CAPRIN1: variants seen among roughly 807,000 people sequenced by gnomAD.
The protein encoded by CAPRIN1 is cell cycle associated protein 1, also known as caprin-1.
A neutral mutation model predicts 100.9 loss-of-function variants in CAPRIN1; 29 were observed. The ratio of observed to expected loss-of-function variants is 0.29; its 90% CI spans 0.21 to 0.39. The LOEUF is 0.39. Among genes scored for constraint, CAPRIN1 ranks in the 10% least tolerant of loss-of-function variants. The pLI is 1.00. For missense variants in CAPRIN1, 795 were observed against 876.7 expected (o/e 0.91, Z 1.18); for synonymous variants, 338 against 307.5 (o/e 1.10, Z -1.04).
intron 11 of CAPRIN1, 140 bp from the exon 12 acceptor site, chr11:34,089,255 T>G (rs1212978650): frequency 1.4e-4 from 18 of 132,228 alleles, no homozygotes; most frequent in African/African-American, 4.3e-4. Context: ...GGTGACAGAG[T>G]GAGACACTCC....
In CAPRIN1 at chr11:34,100,411, A is replaced by G. The variant is rs1460447366; in HGVS notation, c.*1044A>G. ...TTGCTATCTTTTGAAAGGCACCAGT[A>G]TGTGTTTTAGATTGATTTCCCTGTT... On this transcript the variant is annotated 3_prime_UTR_variant, in exon 19 of 19. Transcript: ENST00000341394. 2 of 152,126 alleles carry G rather than the reference A, an allele frequency of 1.3e-5. No homozygotes were observed. Among genetic ancestry groups the G allele is most frequent in the Admixed American group, 6.5e-5 (1 of 15,272 alleles). The allele number at this position is 152,126 out of a possible 1,614,324, so 9.4% of individuals were successfully genotyped here.
intron 2 of CAPRIN1, among the ~76,000 whole-genome samples, chr11:34,062,624 C>A (rs1800363738): frequency 1.4e-4 from 14 of 100,582 alleles, no homozygotes; most frequent in African/African-American, 3.2e-4. Flanking sequence ...AACTCCGTCT[C>A]AAAAAAAAAA....
chr11:34,090,355 A>G, intron 13 of CAPRIN1, 66 bp downstream of exon 13: 1 of 1,248,876 alleles, frequency 8.0e-7, no homozygotes, highest in Non-Finnish European at 1.2e-6. Flanking sequence ...ACAGATGTAC[A>G]TTACCATTAA....
At chr11:34,052,370 C>T (rs540739345) in intron 1 of CAPRIN1, 51 bp from the exon 2 acceptor site, 13 of 1,460,762 alleles carry the variant, frequency 8.9e-6, no homozygotes, top group South Asian at 3.5e-5. Context: ...TCCTGACTGG[C>T]CGCTCTTGTC....
intron 6 of CAPRIN1, among the ~76,000 whole-genome samples, chr11:34,078,220 A>G (rs760834679): frequency 1.3e-5 from 2 of 152,184 alleles, no homozygotes; most frequent in Non-Finnish European, 2.9e-5. Flanking sequence ...AATAAGGAAA[A>G]CATATGAAGT....
At position 34,058,791 on chromosome 11, in the gene CAPRIN1, A is replaced by G. The variant is rs183109736; in HGVS notation, c.216+6155A>G. On this transcript the variant is annotated intron_variant, in intron 2 of 18. Coordinates refer to ENST00000341394, the MANE Select transcript of CAPRIN1 (RefSeq NM_005898.5). ...AGTTTTTCTTTATGTTTAGCTTCCT[A>G]TGTACATTTGTCAGACTCTACTCCA... is the stretch of plus-strand genomic sequence containing the variant. 6.6e-5 allele frequency among the ~76,000 whole-genome samples: 10 copies of G among 152,312 alleles called. No individual in the cohort carries two copies. In the East Asian group the frequency reaches 9.6e-4, roughly 15 times the overall value.
chr11:34,078,689 G>GT (rs1356199268), intron 6 of CAPRIN1, among the ~76,000 whole-genome samples: 1 of 152,052 alleles, frequency 6.6e-6, no homozygotes, highest in Non-Finnish European at 1.5e-5. Flanking sequence ...CCCTATGCTT[G>GT]TTTTTTATTC....
chr11:34,076,660 A>C lies in CAPRIN1; in HGVS notation c.688+18A>C. The C allele has an allele frequency of 6.6e-7, 1 of 1,522,058 alleles. No homozygotes were observed. The highest frequency in any genetic ancestry group is 1.8e-5 in the Admixed American group (1 of 56,456). 94.3% of individuals were successfully genotyped at this position (1,522,058 alleles called of 1,614,324 possible). On this transcript the variant is annotated intron_variant, in intron 6 of 18. Coordinates refer to ENST00000341394, the MANE Select transcript of CAPRIN1 (RefSeq NM_005898.5). ...AACCACCTGTGAGTATCACTGTGAT[A>C]ACTTTGATTTTATAACTAGGAATCT...
At position 34,090,692 on chromosome 11, in the gene CAPRIN1, CTAACAT is replaced by C. The variant is rs1173087402; in HGVS notation, c.1554+18_1554+23del. The C allele has an allele frequency of 1.1e-5, 18 of 1,605,944 alleles. No individual in the cohort carries two copies. The East Asian group carries it at 3.8e-4, about 34-fold the overall frequency. ...TCCATGCAAACGGTAAGCAAATTAA[CTAACAT>C]TAATTGCCTAGTATGTAATATGAAT... On this transcript the variant is annotated intron_variant, in intron 14 of 18. Coordinates refer to ENST00000341394, the MANE Select transcript of CAPRIN1 (RefSeq NM_005898.5).
Position 34,079,471 on chromosome 11 carries a change from T to C in CAPRIN1, c.689-157T>C, listed in dbSNP as rs137912396. Reference sequence around the variant, plus strand: ...CTTCTTGTTCCCTATCATTCTGTAATACATTTCTGTTCTTGGTGAAATGTA... The same window carrying C: ...CTTCTTGTTCCCTATCATTCTGTAACACATTTCTGTTCTTGGTGAAATGTA... On this transcript the variant is annotated intron_variant, in intron 6 of 18. Coordinates refer to ENST00000341394, the MANE Select transcript of CAPRIN1 (RefSeq NM_005898.5). Among the ~76,000 whole-genome samples, 12 of 152,226 alleles carry C rather than the reference T, an allele frequency of 7.9e-5. No individual in the cohort carries two copies. The East Asian group carries it at 2.3e-3, about 29-fold the overall frequency.
Position 34,064,357 on chromosome 11 carries a change from T to C in CAPRIN1, c.217-7369T>C, listed in dbSNP as rs180916153. ...AATTTTAACACCAGTGGACAAATTT[T>C]CTAGTTGGACTTTAATGTAAACCAT... On this transcript the variant is annotated intron_variant, in intron 2 of 18. Transcript: ENST00000341394. 4.3e-3 allele frequency among the ~76,000 whole-genome samples: 656 copies of C among 152,334 alleles called. 6 individuals carry two copies. Among genetic ancestry groups the C allele is most frequent in the African/African-American group, 0.015 (617 of 41,578 alleles).
rs1590749653 is a variant in CAPRIN1, at chr11:34,097,214, G to A, written c.1919G>A (p.Arg640His). Residue 640 changes from arginine (R) to histidine (H), a missense_variant, in exon 17 of 19, where the codon CGC (arginine) becomes CAC (histidine). Arg to His is a conservative substitution (Grantham distance 29). This residue lies in a region of CAPRIN1 where 648 missense variants were observed against 697.9 expected (regional missense o/e 0.93). Transcript: ENST00000341394. The part of the protein sequence containing the change: ...NGFRGGYDGY[R>H]PSFSNTPNSG... ...ATTTTAGGAGGATATGATGGTTACC[G>A]CCCTTCATTCTCTAACACTCCAAAC... 1.2e-6 allele frequency: 2 copies of A among 1,611,948 alleles called. No individual in the cohort carries two copies. Among genetic ancestry groups the A allele is most frequent in the East Asian group, 2.2e-5 (1 of 44,850 alleles).
rs910911569 is a variant in CAPRIN1 at position 34,102,167 on chromosome 11, A to T, written c.*2800A>T. ...TCTTACGTGGGAGACTTTTCCACTTAAAGGAGACATAGAATGTGTGCTTAT... is the reference window on the plus strand; with the variant it reads ...TCTTACGTGGGAGACTTTTCCACTTTAAGGAGACATAGAATGTGTGCTTAT... On this transcript the variant is annotated 3_prime_UTR_variant, in exon 19 of 19. Transcript: ENST00000341394. Among the ~76,000 whole-genome samples, 2 of 152,224 alleles carry T rather than the reference A, an allele frequency of 1.3e-5. No homozygotes were observed. Among genetic ancestry groups the T allele is most frequent in the Non-Finnish European group, 2.9e-5 (2 of 68,032 alleles).
At chr11:34,065,655 A>ATG (rs1213091565) in intron 2 of CAPRIN1, among the ~76,000 whole-genome samples, 1 of 152,228 alleles carries the variant, frequency 6.6e-6, no homozygotes, top group Non-Finnish European at 1.5e-5. Context: ...CTCAGATTCC[A>ATG]TGGTGATAAA....
chr11:34,096,813 G>A, intron 16 of CAPRIN1, 140 bp downstream of exon 16: 1 of 614,014 alleles, frequency 1.6e-6, no homozygotes, highest in South Asian at 2.5e-5. Flanking sequence ...TGTATATTTT[G>A]GTACAATTTG....
intron 2 of CAPRIN1, chr11:34,055,823 T>C (rs1212177461): frequency 5.3e-5 from 8 of 152,318 alleles, no homozygotes; most frequent in African/African-American, 1.7e-4. Flanking sequence ...CTTGAGACTT[T>C]GATAAGCCAC....
At position 34,087,402 on chromosome 11, in the gene CAPRIN1, C is replaced by T. The variant is rs928896868; in HGVS notation, c.1231+989C>T. Among the ~76,000 whole-genome samples, 30 of 106,832 alleles carry T rather than the reference C, an allele frequency of 2.8e-4. 1 individual carries two copies. Among genetic ancestry groups the T allele is most frequent in the South Asian group, 2.2e-3 (8 of 3,602 alleles). The allele number at this position is 106,832 out of a possible 152,430, so 70.1% of individuals were successfully genotyped here. A position where few individuals can be genotyped will look rare whatever the true frequency, so the allele number is the denominator to read the frequency against. ...AGGCTGGAGTGCAGTGGCGCAATCT[C>T]GGCTCACTGCAAGCTCCGCCTCCCG... is the stretch of plus-strand genomic sequence containing the variant. On this transcript the variant is annotated intron_variant, in intron 11 of 18. Transcript: ENST00000341394.
chr11:34,079,461 C>A (rs893707533), intron 6 of CAPRIN1, among the ~76,000 whole-genome samples, 167 bp from the exon 7 acceptor site: 2 of 152,094 alleles, frequency 1.3e-5, no homozygotes, highest in Non-Finnish European at 2.9e-5. Flanking sequence ...TGTTCCCTAT[C>A]ATTCTGTAAT....
chr11:34,099,321 G>C lies in CAPRIN1; in HGVS notation c.2084G>C (p.Arg695Thr). 1 of 1,613,940 alleles carries C rather than the reference G, an allele frequency of 6.2e-7. No homozygotes were observed. The highest frequency in any genetic ancestry group is 1.1e-5 in the South Asian group (1 of 91,068). The change falls in exon 19 of 19, where the codon AGA (arginine) becomes ACA (threonine). Residue 695 changes from arginine to threonine, a missense_variant. By Grantham distance (71) the Arg-to-Thr change is moderately conservative. This residue lies in a region of CAPRIN1 where 648 missense variants were observed against 697.9 expected (regional missense o/e 0.93). Transcript: ENST00000341394. ...CTTCTAGGTCGTGGAGGGCCCCCAAGACCCAACAGAGGGATGCCGCAAATG... is the reference window on the plus strand; with the variant it reads ...CTTCTAGGTCGTGGAGGGCCCCCAACACCCAACAGAGGGATGCCGCAAATG... Reference protein sequence around the residue: ...GAPRGRGGPPRPNRGMPQMNT... With the variant: ...GAPRGRGGPPTPNRGMPQMNT...
Sources: allele counts gnomAD v4.1 joint callset (sites outside exome capture counted in the v4.1 genomes callset), GRCh38; gene constraint gnomAD v4.1.1; regional missense constraint gnomAD v4.1.1; transcripts MANE v1.5; gene names NCBI Gene and HGNC (gene_info 2026-07-23, HGNC 2026-07-21).